The following GRIN3A variants were observed in gnomAD, a reference collection of about 807,000 sequenced individuals.
GRIN3A encodes glutamate ionotropic receptor NMDA type subunit 3A.
Under a neutral mutation model 92.4 loss-of-function variants are expected in GRIN3A, and 47 were observed. The observed-to-expected ratio is 0.51, with a 90% CI of 0.40 to 0.65. The LOEUF is 0.65. Among genes scored for constraint, GRIN3A ranks in the 30% least tolerant of loss-of-function variants. The pLI, the probability that GRIN3A is intolerant of heterozygous loss-of-function variation, is 0.00. For synonymous variants in GRIN3A, 527 were observed against 540.6 expected, an observed-to-expected ratio of 0.97 and a Z score of 0.35; for missense variants, 1,324 against 1,393.1, an observed-to-expected ratio of 0.95 and a Z score of 0.79.
At chr9:101,664,573 C>T (rs562189925) in intron 3 of GRIN3A, among the ~76,000 whole-genome samples, 3 of 152,030 alleles carry the variant, frequency 2.0e-5, no homozygotes, top group East Asian at 3.9e-4. Context: ...GGGTTATCTG[C>T]AAGAGCAGCC....
intron 3 of GRIN3A, among the ~76,000 whole-genome samples, chr9:101,643,343 C>T (rs1357644814): frequency 6.6e-6 from 1 of 152,066 alleles, no homozygotes; most frequent in Non-Finnish European, 1.5e-5. Context: ...ATCAAAACCA[C>T]AATGAGTTAT....
At chr9:101,646,699 A>G (rs1445476805) in intron 3 of GRIN3A, among the ~76,000 whole-genome samples, 2 of 151,628 alleles carry the variant, frequency 1.3e-5, no homozygotes, top group African/African-American at 4.8e-5. Context: ...TTCTTTAATC[A>G]GTGTTTTATA....
rs777027741 is a variant in GRIN3A, at chr9:101,737,824, C to T, written c.156G>A (p.Ala52=). Residue 52 remains alanine (A), a synonymous_variant, in exon 1 of 9, where the codon GCG becomes GCA. Transcript: ENST00000361820. ...KRIGHAVRVG[A]VHLQPWTTAP... ...CGGTGGTCCAGGGCTGCAAGTGCAC[C>T]GCGCCCACCCTCACCGCGTGCCCGA... 4.6e-6 allele frequency: 7 copies of T among 1,532,150 alleles called. No homozygotes were observed. In the South Asian group the frequency reaches 7.2e-5, roughly 16 times the overall value. 94.9% of individuals were successfully genotyped at this position (1,532,150 alleles called of 1,614,324 possible). A position where few individuals can be genotyped will look rare whatever the true frequency, so the allele number is the denominator to read the frequency against.
intron 6 of GRIN3A, among the ~76,000 whole-genome samples, chr9:101,599,325 A>G (rs912631447): frequency 1.3e-5 from 2 of 152,164 alleles, no homozygotes; most frequent in Non-Finnish European, 2.9e-5. Context: ...TCAGGTGTAC[A>G]AGCAGAACCA....
chr9:101,717,585 G>A (rs867835953), intron 1 of GRIN3A, among the ~76,000 whole-genome samples: 1 of 152,170 alleles, frequency 6.6e-6, no homozygotes, highest in South Asian at 2.1e-4. Context: ...CTGATTTCCC[G>A]ATACTTTGTT....
rs1176610918 is a variant in GRIN3A at position 101,722,922 on chromosome 9, G to GAAATGAGT, written c.699+14358_699+14359insACTCATTT. Among the ~76,000 whole-genome samples the GAAATGAGT allele has an allele frequency of 3.3e-5, 5 of 152,314 alleles. No individual in the cohort carries two copies. The East Asian group carries it at 9.6e-4, about 29-fold the overall frequency. On this transcript the variant is annotated intron_variant, in intron 1 of 8. Coordinates refer to ENST00000361820, the MANE Select transcript of GRIN3A (RefSeq NM_133445.3). ...AAATGAGTTAAGACTTTGGGGGACT[G>GAAATGAGT]TAGGGAAGGCATAATTGGTTTTGAA...
In GRIN3A at chr9:101,713,815, C is replaced by T. The variant is rs528954790; in HGVS notation, c.699+23466G>A. Among the ~76,000 whole-genome samples the T allele has an allele frequency of 7.8e-4, 118 of 152,188 alleles. 1 individual carries two copies. The highest frequency in any genetic ancestry group is 2.8e-3 in the African/African-American group (115 of 41,538). ...CCAAGACTGGGTATGGTGCCTCACA[C>T]CTGTAATCCCAGCACTTTGGGAGGC... On this transcript the variant is annotated intron_variant, in intron 1 of 8. Transcript: ENST00000361820.
At chr9:101,696,525 C>A (rs183391432) in intron 1 of GRIN3A, among the ~76,000 whole-genome samples, 301 of 148,434 alleles carry the variant, frequency 2.0e-3, no homozygotes, top group African/African-American at 6.6e-3. Context: ...CCTAATTCAC[C>A]ACCTTGGTTT....
intron 3 of GRIN3A, 56 bp from the exon 4 acceptor site, chr9:101,628,457 T>G (rs1828666727): frequency 6.5e-7 from 1 of 1,539,824 alleles, no homozygotes; most frequent in East Asian, 2.3e-5. Flanking sequence ...AAGTGTTTTT[T>G]AACATTTTTT....
At chr9:101,726,305 A>G (rs1028660937) in intron 1 of GRIN3A, among the ~76,000 whole-genome samples, 1 of 152,230 alleles carries the variant, frequency 6.6e-6, no homozygotes, top group Non-Finnish European at 1.5e-5. Context: ...TCCATGGAGA[A>G]GCTATGGCAA....
At position 101,571,816 on chromosome 9, in the gene GRIN3A, A is replaced by AC. The variant is rs1827763826; in HGVS notation, c.*1357dup. ...TTTCTGAGCTCACCTCTAGACCTCC[A>AC]CCCCCAACCCCATAATCTCTGGAGA... On this transcript the variant is annotated 3_prime_UTR_variant, in exon 9 of 9. Transcript: ENST00000361820. 1 of 151,984 alleles carries AC rather than the reference A, an allele frequency of 6.6e-6. No homozygotes were observed. The highest frequency in any genetic ancestry group is 1.5e-5 in the Non-Finnish European group (1 of 68,056). The allele number at this position is 151,984 out of a possible 1,614,324, so 9.4% of individuals were successfully genotyped here. A position where few individuals can be genotyped will look rare whatever the true frequency, so the allele number is the denominator to read the frequency against.
At chr9:101,711,151 G>GGCATTT (rs1829872141) in intron 1 of GRIN3A, among the ~76,000 whole-genome samples, 1 of 152,172 alleles carries the variant, frequency 6.6e-6, no homozygotes, top group South Asian at 2.1e-4. Flanking sequence ...CATTGGCATT[G>GGCATTT]TCACAGAGCA....
intron 1 of GRIN3A, among the ~76,000 whole-genome samples, chr9:101,695,654 G>A (rs888095023): frequency 1.3e-4 from 20 of 152,088 alleles, no homozygotes; most frequent in African/African-American, 4.1e-4. Context: ...TGCCTGACAC[G>A]TAGTAACTGC....
chr9:101,639,362 GC>G (rs1828824219), intron 3 of GRIN3A, among the ~76,000 whole-genome samples: 1 of 151,988 alleles, frequency 6.6e-6, no homozygotes, highest in Non-Finnish European at 1.5e-5. Context: ...AAAGGAGGAT[GC>G]CTTTAAGCCT....
At chr9:101,619,261 C>T (rs1431518599) in intron 5 of GRIN3A, among the ~76,000 whole-genome samples, 1 of 152,118 alleles carries the variant, frequency 6.6e-6, no homozygotes, top group Non-Finnish European at 1.5e-5. Flanking sequence ...CCATATTTAG[C>T]TACTCTGGGA....
At chr9:101,685,408 C>T (rs1031153424) in intron 2 of GRIN3A, among the ~76,000 whole-genome samples, 8 of 146,606 alleles carry the variant, frequency 5.5e-5, no homozygotes, top group African/African-American at 2.0e-4. Flanking sequence ...TAGTCCTCAA[C>T]ATAGTCAGAT....
At chr9:101,595,546 G>A (rs1283400373) in intron 6 of GRIN3A, among the ~76,000 whole-genome samples, 1 of 152,052 alleles carries the variant, frequency 6.6e-6, no homozygotes, top group Admixed American at 6.5e-5. Flanking sequence ...TGTTTTCCAC[G>A]ATTCCCTGGG....
At chr9:101,654,703 T>G (rs1164163283) in intron 3 of GRIN3A, among the ~76,000 whole-genome samples, 1 of 151,816 alleles carries the variant, frequency 6.6e-6, no homozygotes, top group African/African-American at 2.4e-5. Flanking sequence ...TCAGAATTCA[T>G]GTTTTCTTCC....
intron 3 of GRIN3A, among the ~76,000 whole-genome samples, chr9:101,640,895 T>C (rs1014699519): frequency 5.9e-5 from 9 of 152,164 alleles, no homozygotes; most frequent in African/African-American, 1.9e-4. Context: ...AACCTCTTTT[T>C]CTTTCCAGTC....
Sources: gnomAD v4.1 joint callset for allele counts (sites outside exome capture counted in the v4.1 genomes callset) on GRCh38, gnomAD v4.1.1 for gene constraint, MANE v1.5 for transcripts, NCBI Gene and HGNC (gene_info 2026-07-23, HGNC 2026-07-21) for gene names.